Variants in B3GAT2 observed in about 807,000 individuals in gnomAD.
B3GAT2 encodes beta-1,3-glucuronyltransferase 2, also known as galactosylgalactosylxylosylprotein 3-beta-glucuronosyltransferase 2.
A neutral mutation model predicts 27.8 loss-of-function variants in B3GAT2; 26 were observed. That is an observed-to-expected ratio of 0.93 (90% CI 0.68 to 1.30). The LOEUF (loss-of-function observed/expected upper bound fraction) is 1.30, where lower values mean the gene tolerates loss of function less well. Among genes scored for constraint, B3GAT2 ranks in the 50% most tolerant of loss-of-function variants. The pLI is 0.00. For synonymous variants in B3GAT2, 218 were observed against 195.1 expected, an observed-to-expected ratio of 1.12 and a Z score of -0.98; for missense variants, 458 against 459.0, an observed-to-expected ratio of 1.00 and a Z score of 0.02.
intron 2 of B3GAT2, among the ~76,000 whole-genome samples, chr6:70,864,949 T>A (rs1384228584): frequency 1.1e-4 from 16 of 151,200 alleles, no homozygotes; most frequent in Non-Finnish European, 7.4e-5. Flanking sequence ...AAAAAAAAAA[T>A]GCAAATAAAA....
intron 1 of B3GAT2, among the ~76,000 whole-genome samples, chr6:70,951,042 G>T (rs988011440): frequency 2.6e-5 from 4 of 151,984 alleles, no homozygotes; most frequent in African/African-American, 7.2e-5. Flanking sequence ...TTTGTATTTT[G>T]GTGGGAGAAT....
intron 1 of B3GAT2, among the ~76,000 whole-genome samples, chr6:70,926,490 T>A (rs1475777243): frequency 6.6e-6 from 1 of 152,156 alleles, no homozygotes; most frequent in East Asian, 1.9e-4. Context: ...AATGACCTGA[T>A]GGAGCTGAAA....
intron 1 of B3GAT2, among the ~76,000 whole-genome samples, chr6:70,895,358 AT>A (rs1276077433): frequency 6.6e-6 from 1 of 152,210 alleles, no homozygotes; most frequent in Non-Finnish European, 1.5e-5. Context: ...AAGGAAAAAA[AT>A]GATATACCTT....
intron 1 of B3GAT2, among the ~76,000 whole-genome samples, chr6:70,924,521 T>G (rs1048138700): frequency 2.0e-5 from 3 of 152,150 alleles, no homozygotes; most frequent in Non-Finnish European, 4.4e-5. Context: ...AAAGCTACAT[T>G]AATCAAAGCA....
In B3GAT2 at chr6:70,857,043, G is replaced by T; in HGVS notation, c.*4620C>A. The T allele has an allele frequency of 6.3e-7, 1 of 1,587,572 alleles. No individual in the cohort carries two copies. The highest frequency in any genetic ancestry group is 1.2e-5 in the South Asian group (1 of 86,094). ...CAAAGTACTCCTGGTAATGAATTTT[G>T]ATATCTGCTTTCAGTGACATTACTA... On this transcript the variant is annotated 3_prime_UTR_variant, in exon 4 of 4. Transcript: ENST00000230053.
At chr6:70,900,962 C>T (rs568242261) in intron 1 of B3GAT2, among the ~76,000 whole-genome samples, 8 of 152,022 alleles carry the variant, frequency 5.3e-5, no homozygotes, top group East Asian at 1.9e-4. Context: ...AAAAAGTAAA[C>T]GAAACCCATC....
intron 1 of B3GAT2, among the ~76,000 whole-genome samples, chr6:70,919,552 C>T (rs1436574814): frequency 2.0e-5 from 3 of 152,212 alleles, no homozygotes; most frequent in Non-Finnish European, 4.4e-5. Context: ...TACCTTTGGT[C>T]TTTGATGTTG....
intron 2 of B3GAT2, among the ~76,000 whole-genome samples, chr6:70,873,428 G>C (rs771754805): frequency 6.8e-6 from 1 of 146,478 alleles, no homozygotes; most frequent in Non-Finnish European, 1.5e-5. Context: ...ATCAGTCTTT[G>C]TTAATAAACA....
chr6:70,900,409 CTT>C (rs56143825), intron 1 of B3GAT2, among the ~76,000 whole-genome samples: 119 of 146,282 alleles, frequency 8.1e-4, no homozygotes, highest in East Asian at 9.9e-4. Flanking sequence ...ACAACCGGCT[CTT>C]TTTTTTTTTT....
chr6:70,956,202 C>T lies in B3GAT2; in HGVS notation c.228G>A (p.Glu76=). 2 of 1,612,146 alleles carry T rather than the reference C, an allele frequency of 1.2e-6. No individual in the cohort carries two copies. The highest frequency in any genetic ancestry group is 2.2e-5 in the East Asian group (1 of 44,824). ...TGGCATAGATGGTGGGCAGCTGCGG[C>T]TCCGGCTGTGGCTGCGGCCGAGACT... ...RNQSRPQPQP[E]PQLPTIYAIT... Residue 76 remains glutamate (E), a synonymous_variant, in exon 1 of 4, where the codon GAG becomes GAA. Coordinates refer to ENST00000230053, the MANE Select transcript of B3GAT2 (RefSeq NM_080742.3).
intron 1 of B3GAT2, among the ~76,000 whole-genome samples, chr6:70,951,762 A>G (rs961081626): frequency 1.3e-5 from 2 of 152,144 alleles, no homozygotes; most frequent in African/African-American, 4.8e-5. Context: ...TCATATATAC[A>G]TTTCTATAAA....
At chr6:70,900,846 G>A (rs768184940) in intron 1 of B3GAT2, among the ~76,000 whole-genome samples, 11 of 152,092 alleles carry the variant, frequency 7.2e-5, no homozygotes, top group South Asian at 2.1e-4. Context: ...TAAAGTTATC[G>A]ATCTTCTGAA....
At chr6:70,952,355 AT>A (rs978701566) in intron 1 of B3GAT2, among the ~76,000 whole-genome samples, 3 of 149,938 alleles carry the variant, frequency 2.0e-5, no homozygotes, top group Admixed American at 1.3e-4. Flanking sequence ...GGAAAGTGCT[AT>A]TTTTTTTTAG....
Position 70,956,338 on chromosome 6 carries a change from A to G in B3GAT2, c.92T>C (p.Val31Ala). 1 of 1,574,716 alleles carries G rather than the reference A, an allele frequency of 6.4e-7. No individual in the cohort carries two copies. Among genetic ancestry groups the G allele is most frequent in the South Asian group, 1.2e-5 (1 of 86,902 alleles). The part of the protein sequence containing the change: ...IMLDVDTRRP[V>A]PPLTPRPYFS... ...GTAGGGGCGCGGGGTGAGCGGGGGC[A>G]CTGGCCTGCGCGTGTCCACGTCGAG... The change falls in exon 1 of 4, where the codon GTG (valine) becomes GCG (alanine). Residue 31 changes from valine (V) to alanine (A), a missense_variant. Coordinates refer to ENST00000230053, the MANE Select transcript of B3GAT2 (RefSeq NM_080742.3).
intron 2 of B3GAT2, among the ~76,000 whole-genome samples, chr6:70,889,809 G>C (rs919103621): frequency 2.7e-5 from 4 of 145,984 alleles, no homozygotes; most frequent in Admixed American, 6.8e-5. Context: ...TTTTGAAACA[G>C]TCTCCCTGTG....
chr6:70,924,593 T>C (rs546726021), intron 1 of B3GAT2, among the ~76,000 whole-genome samples: 5 of 152,134 alleles, frequency 3.3e-5, no homozygotes, highest in African/African-American at 9.6e-5. Context: ...AGCCCAGAAA[T>C]AAACCCTATG....
intron 1 of B3GAT2, among the ~76,000 whole-genome samples, chr6:70,895,022 A>G (rs1043322851): frequency 6.6e-6 from 1 of 152,114 alleles, no homozygotes; most frequent in Non-Finnish European, 1.5e-5. Context: ...CGCTACCACC[A>G]CCTTTTTCCA....
At chr6:70,933,185 T>G (rs1006155833) in intron 1 of B3GAT2, among the ~76,000 whole-genome samples, 1 of 152,134 alleles carries the variant, frequency 6.6e-6, no homozygotes, top group African/African-American at 2.4e-5. Context: ...ATCAACCAAT[T>G]TTCAGAGGAA....
Position 70,956,669 on chromosome 6 carries a change from C to A in B3GAT2, c.-240G>T. The A allele has an allele frequency of 7.3e-7, 1 of 1,365,130 alleles. No homozygotes were observed. The highest frequency in any genetic ancestry group is 1.5e-5 in the African/African-American group (1 of 65,768). The allele number at this position is 1,365,130 out of a possible 1,614,324, so 84.6% of individuals were successfully genotyped here. A position where few individuals can be genotyped will look rare whatever the true frequency, so the allele number is the denominator to read the frequency against. On this transcript the variant is annotated 5_prime_UTR_variant, in exon 1 of 4. Coordinates refer to ENST00000230053, the MANE Select transcript of B3GAT2 (RefSeq NM_080742.3). ...CAGGCGGGCGGGCAGGGGCTGCCCC[C>A]GACTCCAGGTGAGCTGGCGGGAAGC...
Sources: allele counts gnomAD v4.1 joint callset (sites outside exome capture counted in the v4.1 genomes callset), GRCh38; gene constraint gnomAD v4.1.1; transcripts MANE v1.5; gene names NCBI Gene and HGNC (gene_info 2026-07-23, HGNC 2026-07-21).